PHLDB3: variants seen among roughly 807,000 people sequenced by gnomAD.
PHLDB3 encodes the protein pleckstrin homology like domain family B member 3.
Under a neutral mutation model 85.7 loss-of-function variants are expected in PHLDB3, and 86 were observed. That is an observed-to-expected ratio of 1.00 (90% CI 0.84 to 1.20). The LOEUF (loss-of-function observed/expected upper bound fraction) is 1.20, where lower values mean the gene tolerates loss of function less well. Ranked by LOEUF, PHLDB3 falls within the 50% of genes most tolerant of loss-of-function variation. The probability of loss-of-function intolerance (pLI) is 0.00; values close to 1 mark genes in which losing one functional copy is unlikely to be tolerated. For synonymous variants in PHLDB3, 376 were observed against 349.8 expected, an observed-to-expected ratio of 1.07 and a Z score of -0.83; for missense variants, 995 against 873.0, an observed-to-expected ratio of 1.14 and a Z score of -1.76.
rs373598062 is a variant in PHLDB3 at position 43,501,905 on chromosome 19, C to G, written c.397-34G>C. On this transcript the variant is annotated intron_variant, in intron 3 of 15. Transcript: ENST00000292140. ...AGAATGCCAGGGCTGGGGGCTCGGA[C>G]GCCTAGGTCCAAGGAAGAGGCCCAG... 862 of 1,553,578 alleles carry G rather than the reference C, an allele frequency of 5.5e-4. 6 individuals are homozygous for G. Among genetic ancestry groups the G allele is most frequent in the Middle Eastern group, 1.3e-3 (6 of 4,700 alleles).
rs1249947994 is a variant in PHLDB3 at position 43,479,365 on chromosome 19, G to A, written c.1702+12C>T. 1.9e-6 allele frequency: 3 copies of A among 1,554,108 alleles called. No homozygotes were observed. Among genetic ancestry groups the A allele is most frequent in the Non-Finnish European group, 1.7e-6 (2 of 1,148,610 alleles). ...AGCGTCCTGGGGCCCATGGTGGCCA[G>A]GCTGGGCTTACCCGCATAGTAGGCC... is the stretch of plus-strand genomic sequence containing the variant. On this transcript the variant is annotated intron_variant, in intron 14 of 15. Coordinates refer to ENST00000292140, the MANE Select transcript of PHLDB3 (RefSeq NM_198850.4).
At chr19:43,502,843 G>A (rs1007729713) in intron 2 of PHLDB3, among the ~76,000 whole-genome samples, 1 of 152,090 alleles carries the variant, frequency 6.6e-6, no homozygotes, top group African/African-American at 2.4e-5. Flanking sequence ...TTGCAGTACC[G>A]TATGGAGGGT....
At chr19:43,502,748 G>A (rs1310089725) in intron 2 of PHLDB3, among the ~76,000 whole-genome samples, 1 of 151,058 alleles carries the variant, frequency 6.6e-6, no homozygotes, top group Non-Finnish European at 1.5e-5. Context: ...AAGCCACCGC[G>A]CCCGGCCTCA....
chr19:43,478,711 C>G (rs986134553), intron 14 of PHLDB3, among the ~76,000 whole-genome samples: 1 of 151,958 alleles, frequency 6.6e-6, no homozygotes. Flanking sequence ...GTCAGGAGAT[C>G]GAGACCATCC....
At chr19:43,491,649 G>C (rs1025508822) in intron 9 of PHLDB3, among the ~76,000 whole-genome samples, 1 of 146,414 alleles carries the variant, frequency 6.8e-6, no homozygotes, top group Non-Finnish European at 1.5e-5. Context: ...TTATAGGCAC[G>C]CACCAGCACA....
intron 13 of PHLDB3, among the ~76,000 whole-genome samples, chr19:43,480,267 A>T (rs1386396576): frequency 5.2e-5 from 4 of 76,860 alleles, no homozygotes; most frequent in Non-Finnish European, 2.8e-5. Flanking sequence ...CTCTATTTAA[A>T]AAAAAAAAAA....
chr19:43,476,277 T>A (rs1006195217), intron 15 of PHLDB3, among the ~76,000 whole-genome samples: 3 of 152,202 alleles, frequency 2.0e-5, no homozygotes, highest in Non-Finnish European at 4.4e-5. Context: ...AAATCCCTTA[T>A]GTCCATAATC....
chr19:43,502,165 C>T lies in PHLDB3; in HGVS notation c.332G>A (p.Arg111His), dbSNP rs200416695. The change falls in exon 3 of 16, where the codon CGT (arginine) becomes CAT (histidine). Residue 111 changes from arginine to histidine, a missense_variant. Arg to His is a conservative substitution (Grantham distance 29). Transcript: ENST00000292140. ...CACTCGCTGCTCCATCAGGGCCACA[C>T]GAGTCAATGCCTCCAGCTGCTGTCC... ...LQGQQLEALT[R>H]VALMEQRVKE... is the part of the protein sequence containing the mutation. The T allele has an allele frequency of 1.9e-5, 30 of 1,580,570 alleles. No homozygotes were observed. The Middle Eastern group carries it at 3.0e-3, about 160-fold the overall frequency.
intron 9 of PHLDB3, among the ~76,000 whole-genome samples, chr19:43,492,143 G>C (rs1202584791): frequency 6.6e-6 from 1 of 151,508 alleles, no homozygotes; most frequent in Admixed American, 6.6e-5. Flanking sequence ...AGTAGAGACG[G>C]GGTTTCACCA....
chr19:43,504,534 C>T (rs1484209695), intron 1 of PHLDB3, 55 bp downstream of exon 1: 2 of 216,722 alleles, frequency 9.2e-6, no homozygotes, highest in African/African-American at 4.7e-5. Flanking sequence ...CCCGGAGCCC[C>T]GTAGTCTTAG....
Position 43,495,299 on chromosome 19 carries a change from G to A in PHLDB3, c.992C>T (p.Thr331Ile), listed in dbSNP as rs767593402. Residue 331 changes from threonine to isoleucine, a missense_variant, in exon 8 of 16, where the codon ACA (threonine) becomes ATA (isoleucine). Thr to Ile is a moderately conservative substitution (Grantham distance 89). Coordinates refer to ENST00000292140, the MANE Select transcript of PHLDB3 (RefSeq NM_198850.4). ...GGGCTCAGAGAAGTCCCCGCCAGGTGTTCCCTGAAGGCAATTGAGCTCGAG... is the reference window on the plus strand; with the variant it reads ...GGGCTCAGAGAAGTCCCCGCCAGGTATTCCCTGAAGGCAATTGAGCTCGAG... ...RLLELNCLQG[T>I]PGGDFSEPNP... The A allele has an allele frequency of 6.2e-6, 10 of 1,613,744 alleles. No individual in the cohort carries two copies. In the East Asian group the frequency reaches 6.7e-5, roughly 11 times the overall value.
At chr19:43,503,156 T>A (rs147517795) in intron 2 of PHLDB3, among the ~76,000 whole-genome samples, 141 of 152,284 alleles carry the variant, frequency 9.3e-4, no homozygotes, top group African/African-American at 3.3e-3. Context: ...TGTGTCTCTG[T>A]CTTTTTGGGG....
Position 43,495,503 on chromosome 19 carries a change from G to A in PHLDB3, c.943C>T (p.Leu315=). 1 of 1,605,280 alleles carries A rather than the reference G, an allele frequency of 6.2e-7. No homozygotes were observed. Among genetic ancestry groups the A allele is most frequent in the Non-Finnish European group, 8.5e-7 (1 of 1,175,950 alleles). Residue 315 remains leucine (L), a synonymous_variant, in exon 7 of 16, where the codon CTG becomes TTG. Transcript: ENST00000292140. The part of the protein sequence containing the change: ...SRKKEEALQA[L]SQERSRLLEL... Reference sequence around the variant, plus strand: ...GGTGACAGGTAGCTCACCTGTGACAGGGCCTGAAGGGCCTCCTCCTTCTTC... The same window carrying A: ...GGTGACAGGTAGCTCACCTGTGACAAGGCCTGAAGGGCCTCCTCCTTCTTC...
chr19:43,487,591 A>AAAAAAAAAAAAAACAAAAAAAAAAAAC (rs1167897767), intron 9 of PHLDB3, among the ~76,000 whole-genome samples: 2 of 115,770 alleles, frequency 1.7e-5, no homozygotes, highest in African/African-American at 6.3e-5. Flanking sequence ...AAAAAAAAAA[A>AAAAAAAAAAAAAACAAAAAAAAAAAAC]ACACAGAAAA....
intron 12 of PHLDB3, 140 bp from the exon 13 acceptor site, chr19:43,486,462 G>A (rs1039982266): frequency 1.8e-5 from 22 of 1,256,886 alleles, no homozygotes; most frequent in Admixed American, 4.8e-5. Flanking sequence ...GGATGGGCTG[G>A]GGGCCTGGAC....
chr19:43,478,174 G>T, intron 14 of PHLDB3, 42 bp from the exon 15 acceptor site: 1 of 1,464,676 alleles, frequency 6.8e-7, no homozygotes, highest in Non-Finnish European at 9.6e-7. Flanking sequence ...AGTGAGAAAG[G>T]TGTGTCTGTG....
At position 43,497,137 on chromosome 19, in the gene PHLDB3, G is replaced by A. The variant is rs1453853069; in HGVS notation, c.806C>T (p.Ala269Val). 7.8e-6 allele frequency: 12 copies of A among 1,541,352 alleles called. No individual in the cohort carries two copies. The highest frequency in any genetic ancestry group is 1.0e-5 in the Non-Finnish European group (12 of 1,148,782). ...VPDPKVQELQ[A>V]SMAQHRRGAL... ...ACTCACTCTGTGCTGCGCCATGCTGGCCTGGAGTTCCTGGACCTTGGGGTC... is the reference window on the plus strand; with the variant it reads ...ACTCACTCTGTGCTGCGCCATGCTGACCTGGAGTTCCTGGACCTTGGGGTC... Residue 269 changes from alanine to valine, a missense_variant, in exon 6 of 16, where the codon GCC becomes GTC. Ala to Val is a moderately conservative substitution (Grantham distance 64, BLOSUM62 0). Coordinates refer to ENST00000292140, the MANE Select transcript of PHLDB3 (RefSeq NM_198850.4).
At chr19:43,480,584 C>A (rs1207841971) in intron 13 of PHLDB3, among the ~76,000 whole-genome samples, 1 of 152,192 alleles carries the variant, frequency 6.6e-6, no homozygotes, top group Non-Finnish European at 1.5e-5. Context: ...TTGAGTGAGA[C>A]CCTGTCTCAA....
intron 9 of PHLDB3, 116 bp from the exon 10 acceptor site, chr19:43,487,239 T>C (rs1227858881): frequency 7.1e-5 from 58 of 813,588 alleles, no homozygotes; most frequent in Non-Finnish European, 1.0e-4. Flanking sequence ...CTACTGTCCA[T>C]GTGCTGAGTG....
Sources: gnomAD v4.1 joint callset for allele counts (sites outside exome capture counted in the v4.1 genomes callset) on GRCh38, gnomAD v4.1.1 for gene constraint, MANE v1.5 for transcripts, NCBI Gene and HGNC (gene_info 2026-07-23, HGNC 2026-07-21) for gene names.